Variants in CACNA1E observed in about 807,000 individuals in gnomAD.
CACNA1E encodes the protein calcium voltage-gated channel subunit alpha1 E.
Under a neutral mutation model 259.2 loss-of-function variants are expected in CACNA1E, and 40 were observed. The observed-to-expected ratio is 0.15, with a 90% CI of 0.12 to 0.20. The LOEUF (loss-of-function observed/expected upper bound fraction) is 0.20. CACNA1E is among the 10% of genes least tolerant of loss of function. The pLI is 1.00. For missense variants in CACNA1E, 1,874 were observed against 3,040.1 expected (o/e 0.62, Z 9.02); for synonymous variants, 1,104 against 1,138.5 (o/e 0.97, Z 0.61).
chr1:181,466,045 T>C (rs1283807197), intron 2 of CACNA1E, among the ~76,000 whole-genome samples: 1 of 152,208 alleles, frequency 6.6e-6, no homozygotes. Context: ...TGAGTTTTGA[T>C]TTCTCAGGGT....
intron 3 of CACNA1E, among the ~76,000 whole-genome samples, chr1:181,525,059 C>A (rs1667257169): frequency 6.6e-6 from 1 of 152,168 alleles, no homozygotes; most frequent in Non-Finnish European, 1.5e-5. Context: ...TAATAAGATA[C>A]CTGCCCCCAA....
At chr1:181,753,668 C>G (rs1389942825) in intron 27 of CACNA1E, among the ~76,000 whole-genome samples, 2 of 152,158 alleles carry the variant, frequency 1.3e-5, no homozygotes, top group Non-Finnish European at 2.9e-5. Context: ...GCACTTGGCT[C>G]TCCCTTGCTT....
At chr1:181,762,553 A>ATGAC (rs746410326) in intron 32 of CACNA1E, 21 bp from the exon 33 acceptor site, 2 of 1,435,018 alleles carry the variant, frequency 1.4e-6, no homozygotes, top group Non-Finnish European at 2.0e-6. Flanking sequence ...TGATGTTCCT[A>ATGAC]TGACTGAATT....
chr1:181,586,968 A>G (rs1652128298), intron 6 of CACNA1E, among the ~76,000 whole-genome samples: 1 of 152,050 alleles, frequency 6.6e-6, no homozygotes, highest in South Asian at 2.1e-4. Flanking sequence ...AGGGAGGAGA[A>G]TTGGTGGAGT....
rs997587504 is a variant in CACNA1E at position 181,757,007 on chromosome 1, G to A, written c.4210G>A (p.Val1404Ile). The A allele has an allele frequency of 1.2e-6, 2 of 1,613,662 alleles. No individual in the cohort carries two copies. The highest frequency in any genetic ancestry group is 1.1e-5 in the South Asian group (1 of 91,070). The change falls in exon 30 of 48, where the codon GTA (valine) becomes ATA (isoleucine). Residue 1404 changes from valine (V) to isoleucine (I), a missense_variant. Val to Ile is a conservative substitution (Grantham distance 29). Transcript: ENST00000367573. ...CCGCATGGAGATGTCTATCTTTTATGTAGTCTACTTTGTGGTCTTCCCCTT... is the reference window on the plus strand; with the variant it reads ...CCGCATGGAGATGTCTATCTTTTATATAGTCTACTTTGTGGTCTTCCCCTT... ...SNRMEMSIFY[V>I]VYFVVFPFFF...
chr1:181,551,508 C>T (rs1057242689), intron 3 of CACNA1E, among the ~76,000 whole-genome samples: 5 of 152,136 alleles, frequency 3.3e-5, no homozygotes, highest in East Asian at 1.9e-4. Context: ...CAGACAGACC[C>T]GCCAGCTCAG....
At chr1:181,797,448 G>A (rs1347248452) in intron 47 of CACNA1E, among the ~76,000 whole-genome samples, 1 of 152,194 alleles carries the variant, frequency 6.6e-6, no homozygotes, top group Non-Finnish European at 1.5e-5. Flanking sequence ...CCCCTCAACA[G>A]AAACGATCAG....
At chr1:181,790,916 C>T (rs1205027344) in intron 44 of CACNA1E, among the ~76,000 whole-genome samples, 1 of 152,220 alleles carries the variant, frequency 6.6e-6, no homozygotes, top group Non-Finnish European at 1.5e-5. Flanking sequence ...GTGACACCAA[C>T]CCTGCCTCTT....
intron 3 of CACNA1E, among the ~76,000 whole-genome samples, chr1:181,570,595 C>T (rs1478238596): frequency 5.3e-5 from 8 of 152,212 alleles, no homozygotes; most frequent in Admixed American, 5.2e-4. Context: ...TCTCTCCTCC[C>T]CAGAGGCTTT....
intron 2 of CACNA1E, among the ~76,000 whole-genome samples, chr1:181,414,513 G>A (rs975848087): frequency 6.6e-6 from 1 of 152,286 alleles, no homozygotes; most frequent in Non-Finnish European, 1.5e-5. Flanking sequence ...CAGTGAGTCC[G>A]AATGTATGCC....
At chr1:181,562,554 T>A (rs1251244721) in intron 3 of CACNA1E, among the ~76,000 whole-genome samples, 1 of 152,168 alleles carries the variant, frequency 6.6e-6, no homozygotes, top group Non-Finnish European at 1.5e-5. Context: ...TTTACAGTAT[T>A]TTCATAAAAT....
At chr1:181,736,137 C>CA (rs1364815518) in intron 21 of CACNA1E, 138 bp from the exon 22 acceptor site, 1 of 909,828 alleles carries the variant, frequency 1.1e-6, no homozygotes, top group East Asian at 2.7e-5. Flanking sequence ...TAAATACCCC[C>CA]AGTGCCTGCA....
chr1:181,725,027 C>T (rs1269538210), intron 17 of CACNA1E, among the ~76,000 whole-genome samples: 2 of 152,228 alleles, frequency 1.3e-5, no homozygotes, highest in Non-Finnish European at 2.9e-5. Flanking sequence ...AAGCCAGATA[C>T]TAAATTTCTC....
At chr1:181,687,806 C>T (rs1650734924) in intron 7 of CACNA1E, among the ~76,000 whole-genome samples, 1 of 151,860 alleles carries the variant, frequency 6.6e-6, no homozygotes, top group Non-Finnish European at 1.5e-5. Context: ...GACATTATTT[C>T]CCCCATTATT....
intron 3 of CACNA1E, among the ~76,000 whole-genome samples, chr1:181,567,991 G>A (rs551576770): frequency 6.6e-6 from 1 of 152,138 alleles, no homozygotes; most frequent in East Asian, 1.9e-4. Flanking sequence ...GGCTTGTGAT[G>A]TAAAATACAT....
At chr1:181,627,965 C>T (rs536507802) in intron 6 of CACNA1E, among the ~76,000 whole-genome samples, 138 of 152,214 alleles carry the variant, frequency 9.1e-4, no homozygotes, top group Middle Eastern at 6.8e-3. Flanking sequence ...TGGAAATATT[C>T]TTTAATGCTG....
intron 3 of CACNA1E, among the ~76,000 whole-genome samples, chr1:181,525,830 A>G (rs1022385402): frequency 3.9e-5 from 6 of 152,188 alleles, no homozygotes; most frequent in African/African-American, 7.2e-5. Context: ...GATGTTAATT[A>G]TGTTGCTGCT....
chr1:181,632,427 A>C (rs1656836124), intron 6 of CACNA1E, among the ~76,000 whole-genome samples: 1 of 152,102 alleles, frequency 6.6e-6, no homozygotes, highest in Non-Finnish European at 1.5e-5. Context: ...TGTTGAAAGG[A>C]GCCTGCTGCT....
intron 1 of CACNA1E, among the ~76,000 whole-genome samples, chr1:181,505,626 G>A (rs769331813): frequency 2.0e-5 from 3 of 151,706 alleles, no homozygotes; most frequent in Non-Finnish European, 2.9e-5. Context: ...TGCCCACCTC[G>A]GCTTCTGAAA....
Sources: gnomAD v4.1 joint callset for allele counts (sites outside exome capture counted in the v4.1 genomes callset) on GRCh38, gnomAD v4.1.1 for gene constraint, MANE v1.5 for transcripts, NCBI Gene and HGNC (gene_info 2026-07-23, HGNC 2026-07-21) for gene names.